The following NREP variants were observed in gnomAD, a reference collection of about 807,000 sequenced individuals.
NREP encodes neuronal regeneration-related protein.
In NREP, 5 loss-of-function variants were observed where a neutral mutation model predicts 8.6. The observed-to-expected ratio is 0.58, with a 90% CI of 0.30 to 1.22. The LOEUF (loss-of-function observed/expected upper bound fraction) is 1.22, where lower values mean the gene tolerates loss of function less well. Among genes scored for constraint, NREP ranks in the 50% most tolerant of loss-of-function variants. The pLI, the probability that NREP is intolerant of heterozygous loss-of-function variation, is 0.07. For synonymous variants in NREP, 27 were observed against 28.0 expected, an observed-to-expected ratio of 0.96 and a Z score of 0.11; for missense variants, 86 against 82.5, an observed-to-expected ratio of 1.04 and a Z score of -0.17.
intron 2 of NREP, among the ~76,000 whole-genome samples, chr5:111,809,942 A>G (rs767274795): frequency 1.3e-5 from 2 of 151,622 alleles, no homozygotes; most frequent in Non-Finnish European, 2.9e-5. Flanking sequence ...ATAAAATAAC[A>G]GCAAATCTCT....
chr5:111,728,830 T>G (rs1044545875), downstream of NREP: 12 of 152,200 alleles, frequency 7.9e-5, no homozygotes, highest in Non-Finnish European at 1.5e-5. Context: ...CAAATTTTTA[T>G]CCTCTTACAA....
At chr5:111,750,503 G>T (rs1750293282) in intron 2 of NREP, among the ~76,000 whole-genome samples, 1 of 152,116 alleles carries the variant, frequency 6.6e-6, no homozygotes, top group Non-Finnish European at 1.5e-5. Flanking sequence ...TCTCCCACAG[G>T]TATAAAAGTT....
intron 2 of NREP, among the ~76,000 whole-genome samples, chr5:111,788,316 C>G (rs1248230019): frequency 1.3e-5 from 2 of 152,182 alleles, no homozygotes; most frequent in Non-Finnish European, 2.9e-5. Flanking sequence ...CCTGTATTCT[C>G]AATATCTTCA....
At chr5:111,886,715 C>T (rs1184630879) in intron 2 of NREP, among the ~76,000 whole-genome samples, 1 of 150,398 alleles carries the variant, frequency 6.6e-6, no homozygotes, top group Admixed American at 6.7e-5. Context: ...AGTAAACTAT[C>T]GCAAGAACAA....
intron 2 of NREP, among the ~76,000 whole-genome samples, chr5:111,884,151 G>T (rs558430586): frequency 1.6e-4 from 24 of 151,804 alleles, no homozygotes; most frequent in African/African-American, 5.6e-4. Flanking sequence ...TATCACCACC[G>T]ATCCCACAGA....
chr5:111,893,092 T>C (rs771713678), intron 2 of NREP, among the ~76,000 whole-genome samples: 25 of 152,162 alleles, frequency 1.6e-4, no homozygotes, highest in Non-Finnish European at 3.1e-4. Flanking sequence ...CTTTGGTGTA[T>C]GACAGTTGCA....
At chr5:111,888,890 T>C (rs1249503278) in intron 2 of NREP, among the ~76,000 whole-genome samples, 3 of 152,164 alleles carry the variant, frequency 2.0e-5, no homozygotes, top group African/African-American at 7.2e-5. Context: ...TGAGCAAATA[T>C]GTAACTGCAA....
intron 2 of NREP, among the ~76,000 whole-genome samples, chr5:111,911,700 T>C (rs1754916330): frequency 6.6e-6 from 1 of 152,100 alleles, no homozygotes; most frequent in African/African-American, 2.4e-5. Flanking sequence ...TCTTTTTGAC[T>C]TTGGTGAGAG....
chr5:111,874,451 A>C (rs760178618), intron 2 of NREP, among the ~76,000 whole-genome samples: 6 of 152,266 alleles, frequency 3.9e-5, no homozygotes, highest in Middle Eastern at 3.4e-3. Context: ...TTTCCACTAG[A>C]GTTGTTCCTT....
chr5:111,757,821 A>AT, upstream of NREP: 1 of 966,538 alleles, frequency 1.0e-6, no homozygotes, highest in Non-Finnish European at 1.2e-6. Context: ...TTTCAGACAA[A>AT]TAAGGAGGTG....
chr5:111,916,274 G>A (rs1755055267), intron 2 of NREP, among the ~76,000 whole-genome samples: 1 of 151,906 alleles, frequency 6.6e-6, no homozygotes. Flanking sequence ...AAGGTAGAGA[G>A]TTGCACAGCC....
intron 2 of NREP, among the ~76,000 whole-genome samples, chr5:111,884,507 C>G (rs1168055365): frequency 2.6e-5 from 4 of 152,102 alleles, no homozygotes; most frequent in African/African-American, 7.2e-5. Flanking sequence ...CAAAGCCAGG[C>G]AGAGACACAA....
chr5:111,950,608 C>G (rs1756129106), intron 2 of NREP, among the ~76,000 whole-genome samples: 1 of 151,490 alleles, frequency 6.6e-6, no homozygotes, highest in Non-Finnish European at 1.5e-5. Context: ...AGTGAACAGG[C>G]AACCTACAGA....
intron 2 of NREP, among the ~76,000 whole-genome samples, chr5:111,888,139 T>A (rs1754306175): frequency 6.6e-6 from 1 of 152,220 alleles, no homozygotes. Context: ...AATGCTGTCA[T>A]GCTTTTAGGT....
At chr5:111,732,096 T>G (rs907727608) in intron 3 of NREP, 11 of 152,178 alleles carry the variant, frequency 7.2e-5, no homozygotes, top group Non-Finnish European at 1.6e-4. Flanking sequence ...GGCTTTTTTT[T>G]TTGTTGCTCA....
In NREP at chr5:111,753,443, G is replaced by A. The variant is rs1054278501; in HGVS notation, c.3+2327C>T. ...ACAGAAGGGACTCGAGAATCCTTAA[G>A]TGTCTCCACATTATTGTTGTAAAAC... On this transcript the variant is annotated intron_variant, in intron 2 of 3. Coordinates refer to ENST00000257435, the MANE Select transcript of NREP (RefSeq NM_004772.4). Among the ~76,000 whole-genome samples, 5 of 149,722 alleles carry A rather than the reference G, an allele frequency of 3.3e-5. No homozygotes were observed. In the East Asian group the frequency reaches 9.7e-4, roughly 29 times the overall value.
chr5:111,768,665 C>T (rs1173084476), intron 2 of NREP, among the ~76,000 whole-genome samples: 1 of 152,310 alleles, frequency 6.6e-6, no homozygotes, highest in Admixed American at 6.5e-5. Context: ...TGGCCTCCAG[C>T]TGCATCTATG....
intron 2 of NREP, among the ~76,000 whole-genome samples, chr5:111,741,563 C>T (rs910544584): frequency 6.6e-6 from 1 of 152,160 alleles, no homozygotes; most frequent in African/African-American, 2.4e-5. Flanking sequence ...AGATGATGCA[C>T]TGTGCTGTCT....
intron 2 of NREP, among the ~76,000 whole-genome samples, chr5:111,901,017 C>G (rs1488248896): frequency 2.6e-5 from 4 of 152,130 alleles, no homozygotes; most frequent in Non-Finnish European, 2.9e-5. Flanking sequence ...CAAGAAAATA[C>G]TAGCAAACTG....
Sources: gnomAD v4.1 joint callset for allele counts (sites outside exome capture counted in the v4.1 genomes callset) on GRCh38, gnomAD v4.1.1 for gene constraint, MANE v1.5 for transcripts, NCBI Gene and HGNC (gene_info 2026-07-23, HGNC 2026-07-21) for gene names.